Variants in NFIA observed in about 807,000 individuals in gnomAD.
NFIA encodes nuclear factor I A, also known as nuclear factor 1 A-type.
Under a neutral mutation model 62.8 loss-of-function variants are expected in NFIA, and 8 were observed. The ratio of observed to expected loss-of-function variants is 0.13; its 90% CI spans 0.07 to 0.23. NFIA has a LOEUF of 0.23. NFIA is among the 10% of genes least tolerant of loss of function. The probability of loss-of-function intolerance (pLI) is 1.00; values close to 1 mark genes in which losing one functional copy is unlikely to be tolerated. For missense variants in NFIA, 410 were observed against 642.1 expected (o/e 0.64, Z 3.91); for synonymous variants, 235 against 238.1 (o/e 0.99, Z 0.12).
intron 2 of NFIA, among the ~76,000 whole-genome samples, chr1:61,147,260 C>T (rs999329559): frequency 2.6e-5 from 4 of 152,034 alleles, no homozygotes; most frequent in Admixed American, 1.3e-4. Flanking sequence ...AAGCAATTCT[C>T]GTGCCTCAGC....
chr1:61,258,232 G>C (rs867868667), intron 2 of NFIA, among the ~76,000 whole-genome samples: 1 of 152,064 alleles, frequency 6.6e-6, no homozygotes, highest in Non-Finnish European at 1.5e-5. Flanking sequence ...ATTTTTAAAA[G>C]AATTTAATTT....
intron 3 of NFIA, among the ~76,000 whole-genome samples, chr1:61,290,565 GA>G (rs1341063260): frequency 6.6e-6 from 1 of 152,186 alleles, no homozygotes; most frequent in Non-Finnish European, 1.5e-5. Context: ...TACCCACACT[GA>G]AAGCTTTTCA....
intron 6 of NFIA, among the ~76,000 whole-genome samples, chr1:61,366,437 A>G (rs1433776847): frequency 6.6e-6 from 1 of 152,222 alleles, no homozygotes; most frequent in Non-Finnish European, 1.5e-5. Flanking sequence ...AATGCCTTCA[A>G]TTATACTGGG....
chr1:61,381,407 C>T (rs1664406614), intron 6 of NFIA, among the ~76,000 whole-genome samples: 2 of 152,098 alleles, frequency 1.3e-5, no homozygotes, highest in Admixed American at 6.5e-5. Flanking sequence ...GTGCATCCTA[C>T]ATTAGAACTT....
chr1:61,219,570 C>T (rs1005447673), intron 2 of NFIA, among the ~76,000 whole-genome samples: 1 of 151,496 alleles, frequency 6.6e-6, no homozygotes, highest in Non-Finnish European at 1.5e-5. Flanking sequence ...AAAAATTAGC[C>T]GGGCGTGGTG....
chr1:61,335,240 A>G (rs528591874), intron 4 of NFIA, among the ~76,000 whole-genome samples: 2 of 152,202 alleles, frequency 1.3e-5, no homozygotes, highest in South Asian at 2.1e-4. Flanking sequence ...CTTCAGGCCA[A>G]ACTAGTCGAC....
At chr1:61,205,371 A>G (rs143081670) in intron 2 of NFIA, among the ~76,000 whole-genome samples, 349 of 152,224 alleles carry the variant, frequency 2.3e-3, no homozygotes, top group Non-Finnish European at 3.6e-3. Flanking sequence ...TCATAACTCA[A>G]TTGTCTTAGC....
At chr1:61,384,124 G>T (rs759817508) in intron 7 of NFIA, among the ~76,000 whole-genome samples, 1 of 152,158 alleles carries the variant, frequency 6.6e-6, no homozygotes, top group East Asian at 1.9e-4. Context: ...CACAGTAGAA[G>T]TATGAATAAT....
intron 7 of NFIA, among the ~76,000 whole-genome samples, chr1:61,386,247 A>G (rs1289346576): frequency 2.0e-5 from 3 of 152,188 alleles, no homozygotes; most frequent in African/African-American, 7.2e-5. Context: ...TAGCTGCAAG[A>G]GTCAGTGTGG....
chr1:61,358,379 C>CTTTCTTTTTTTTTTTTTTTTTTTTTTTTT (rs71582639), intron 5 of NFIA, among the ~76,000 whole-genome samples: 2 of 52,616 alleles, frequency 3.8e-5, no homozygotes, highest in African/African-American at 8.5e-5. Context: ...TTCTTTCTTT[C>CTTTCTTTTTTTTTTTTTTTTTTTTTTTTT]TTTTTTTTTT....
intron 7 of NFIA, among the ~76,000 whole-genome samples, chr1:61,402,916 C>A (rs1665641922): frequency 6.6e-6 from 1 of 152,166 alleles, no homozygotes; most frequent in Admixed American, 6.5e-5. Flanking sequence ...CGGTAGGGAA[C>A]AAAGAACCTA....
intron 2 of NFIA, among the ~76,000 whole-genome samples, chr1:61,209,547 T>C (rs932236884): frequency 6.6e-6 from 1 of 152,094 alleles, no homozygotes; most frequent in Non-Finnish European, 1.5e-5. Context: ...CCAGGCACAG[T>C]GGCTCATACC....
intron 8 of NFIA, among the ~76,000 whole-genome samples, chr1:61,406,028 TATA>T (rs1200127513): frequency 4.6e-5 from 7 of 152,220 alleles, no homozygotes; most frequent in Non-Finnish European, 8.8e-5. Flanking sequence ...TTAAATGTTA[TATA>T]ATATCAACTT....
chr1:61,166,115 G>C (rs555970740), intron 2 of NFIA, among the ~76,000 whole-genome samples: 1 of 152,188 alleles, frequency 6.6e-6, no homozygotes, highest in Admixed American at 6.5e-5. Flanking sequence ...CTTTATAGTA[G>C]GATTATAATT....
chr1:61,304,484 G>A (rs997791264), intron 3 of NFIA, among the ~76,000 whole-genome samples: 1 of 152,110 alleles, frequency 6.6e-6, no homozygotes, highest in African/African-American at 2.4e-5. Flanking sequence ...TTTGAGAAAC[G>A]GGTGGAAAAT....
At chr1:61,439,009 A>G (rs1370999943) in intron 10 of NFIA, among the ~76,000 whole-genome samples, 1 of 150,728 alleles carries the variant, frequency 6.6e-6, no homozygotes, top group Admixed American at 6.6e-5. Flanking sequence ...ACACACACAC[A>G]CACACACACA....
chr1:61,348,428 C>G (rs977321315), intron 4 of NFIA, among the ~76,000 whole-genome samples: 2 of 152,212 alleles, frequency 1.3e-5, no homozygotes, highest in African/African-American at 4.8e-5. Context: ...GCCAAGCTCT[C>G]AAGTTACTCA....
chr1:61,376,566 T>A (rs1249534465), intron 6 of NFIA, among the ~76,000 whole-genome samples: 1 of 152,192 alleles, frequency 6.6e-6, no homozygotes, highest in Non-Finnish European at 1.5e-5. Context: ...AAGAGAAAAC[T>A]TTGATATATA....
At chr1:61,258,516 A>G (rs1656564988) in intron 2 of NFIA, among the ~76,000 whole-genome samples, 1 of 151,998 alleles carries the variant, frequency 6.6e-6, no homozygotes, top group Non-Finnish European at 1.5e-5. Flanking sequence ...ACTAGTCCCA[A>G]CATGGTTGTT....
Sources: gnomAD v4.1 joint callset for allele counts (sites outside exome capture counted in the v4.1 genomes callset) on GRCh38, gnomAD v4.1.1 for gene constraint, MANE v1.5 for transcripts, NCBI Gene and HGNC (gene_info 2026-07-23, HGNC 2026-07-21) for gene names.